Variants in TLE1 observed in about 807,000 individuals in gnomAD.
The protein encoded by TLE1 is TLE family member 1, transcriptional corepressor, also known as transducin-like enhancer protein 1.
In TLE1, 21 loss-of-function variants were observed where a neutral mutation model predicts 89.8. The observed-to-expected ratio is 0.23, with a 90% confidence interval of 0.17 to 0.34. The LOEUF is 0.34. Ranked by LOEUF, TLE1 falls within the 10% of genes least tolerant of loss-of-function variation. The pLI is 1.00. For synonymous variants in TLE1, 447 were observed against 407.6 expected, an observed-to-expected ratio of 1.10 and a Z score of -1.16; for missense variants, 795 against 1,031.2, an observed-to-expected ratio of 0.77 and a Z score of 3.14.
At chr9:81,597,758 C>A (rs1184589290) in intron 14 of TLE1, among the ~76,000 whole-genome samples, 3 of 152,128 alleles carry the variant, frequency 2.0e-5, no homozygotes, top group African/African-American at 7.2e-5. Flanking sequence ...TATAAAAACC[C>A]ATTAAGAGCA....
chr9:81,683,153 G>A (rs1833835011), intron 4 of TLE1, among the ~76,000 whole-genome samples: 1 of 151,964 alleles, frequency 6.6e-6, no homozygotes, highest in Non-Finnish European at 1.5e-5. Context: ...AAGGGAGAGC[G>A]GTCGTCACAC....
chr9:81,680,261 C>A (rs554455800), intron 4 of TLE1, among the ~76,000 whole-genome samples: 6 of 152,266 alleles, frequency 3.9e-5, no homozygotes, highest in African/African-American at 1.4e-4. Flanking sequence ...TGAACTACAA[C>A]GGAACCAAGT....
chr9:81,584,809 T>C (rs905184456), intron 18 of TLE1, among the ~76,000 whole-genome samples: 1 of 152,136 alleles, frequency 6.6e-6, no homozygotes, highest in Non-Finnish European at 1.5e-5. Context: ...CAATGAAGAA[T>C]GTGTTCTATT....
At chr9:81,631,415 C>G (rs1006539398) in intron 8 of TLE1, among the ~76,000 whole-genome samples, 2 of 152,246 alleles carry the variant, frequency 1.3e-5, no homozygotes, top group African/African-American at 4.8e-5. Context: ...CAGAGAGGCA[C>G]ATACCACGTG....
At chr9:81,635,422 T>C (rs1361201042) in intron 6 of TLE1, among the ~76,000 whole-genome samples, 1 of 152,190 alleles carries the variant, frequency 6.6e-6, no homozygotes, top group Non-Finnish European at 1.5e-5. Context: ...CTAAGTCTGT[T>C]CTCATTACAC....
chr9:81,640,464 A>G (rs1369649451), intron 6 of TLE1, among the ~76,000 whole-genome samples: 1 of 152,144 alleles, frequency 6.6e-6, no homozygotes, highest in Non-Finnish European at 1.5e-5. Flanking sequence ...GAAATTTTAC[A>G]TACTGGTGTT....
intron 14 of TLE1, among the ~76,000 whole-genome samples, chr9:81,597,506 G>C (rs979894974): frequency 6.6e-6 from 1 of 152,182 alleles, no homozygotes; most frequent in African/African-American, 2.4e-5. Flanking sequence ...AAAGAGTAGA[G>C]ATGGACGTTT....
In TLE1 at chr9:81,611,812, G is replaced by A. The variant is rs1257189178; in HGVS notation, c.1211C>T (p.Ala404Val). ...GGCCACCACGGCGGCCGCGGCGGCT[G>A]CGGCGCTCATCTGGGGCGACATGTT... ...LHNMSPQMSA[A>V]AAAAAVVAYG... is the part of the protein sequence containing the mutation. The change falls in exon 13 of 20, where the codon GCA becomes GTA. Residue 404 changes from alanine (A) to valine (V), a missense_variant. Around this residue, in one of 4 missense-constraint regions of TLE1, gnomAD observed 468 missense variants for 509.1 expected, o/e 0.92. Coordinates refer to ENST00000376499, the MANE Select transcript of TLE1 (RefSeq NM_005077.5). 1.9e-6 allele frequency: 3 copies of A among 1,552,970 alleles called. No individual in the cohort carries two copies. Among genetic ancestry groups the A allele is most frequent in the East Asian group, 2.5e-5 (1 of 39,578 alleles).
chr9:81,620,688 A>G, intron 8 of TLE1, 131 bp from the exon 9 acceptor site: 1 of 1,472,200 alleles, frequency 6.8e-7, no homozygotes, highest in Non-Finnish European at 9.0e-7. Flanking sequence ...AATTCATCTC[A>G]TCTAAAGACT....
chr9:81,620,412 A>ATAT (rs1279983095), intron 9 of TLE1, 29 bp downstream of exon 9: 1 of 1,554,198 alleles, frequency 6.4e-7, no homozygotes, highest in African/African-American at 1.4e-5. Flanking sequence ...AAGCAAACAA[A>ATAT]TATTATTTCA....
chr9:81,688,597 CCG>C lies in TLE1; in HGVS notation c.-359_-358del. On this transcript the variant is annotated 5_prime_UTR_variant, in exon 1 of 20. Transcript: ENST00000376499. ...GGAGGCGGGGGCGCGGTGACTCCGA[CCG>C]CACTCCCCTCGGCGATCCGCGTGCG... The C allele has an allele frequency of 3.9e-6, 1 of 259,180 alleles. No individual in the cohort carries two copies. The highest frequency in any genetic ancestry group is 7.2e-6 in the Non-Finnish European group (1 of 138,452). The allele number at this position is 259,180 out of a possible 1,614,324, so 16.1% of individuals were successfully genotyped here.
chr9:81,656,514 T>C (rs1830167294), intron 4 of TLE1, among the ~76,000 whole-genome samples: 1 of 152,206 alleles, frequency 6.6e-6, no homozygotes, highest in African/African-American at 2.4e-5. Context: ...AAAAGAAAGT[T>C]AAAATAACCC....
At chr9:81,645,556 C>T (rs1828752143) in intron 6 of TLE1, among the ~76,000 whole-genome samples, 1 of 151,912 alleles carries the variant, frequency 6.6e-6, no homozygotes, top group African/African-American at 2.4e-5. Context: ...GCCTGGCCAA[C>T]ATGGAGAAAC....
chr9:81,596,772 T>C (rs1830277644), intron 14 of TLE1, among the ~76,000 whole-genome samples: 1 of 152,164 alleles, frequency 6.6e-6, no homozygotes, highest in Non-Finnish European at 1.5e-5. Flanking sequence ...TTAACCTTGG[T>C]GACTGCAAGG....
intron 4 of TLE1, among the ~76,000 whole-genome samples, chr9:81,670,280 T>C (rs1356150958): frequency 1.3e-5 from 2 of 152,136 alleles, no homozygotes; most frequent in African/African-American, 4.8e-5. Context: ...AAATTATAAA[T>C]GGTGTCAATA....
intron 8 of TLE1, chr9:81,621,040 T>C: frequency 3.5e-6 from 1 of 285,942 alleles, no homozygotes; most frequent in Non-Finnish European, 7.1e-6. Flanking sequence ...CAAATCACAT[T>C]TTCCACAGCA....
At chr9:81,677,912 C>T (rs1287984801) in intron 4 of TLE1, among the ~76,000 whole-genome samples, 1 of 152,156 alleles carries the variant, frequency 6.6e-6, no homozygotes, top group African/African-American at 2.4e-5. Context: ...ATCTAGCATA[C>T]TTAATTTTTT....
intron 14 of TLE1, among the ~76,000 whole-genome samples, chr9:81,609,360 T>C (rs1429106344): frequency 3.9e-5 from 6 of 152,150 alleles, no homozygotes; most frequent in Admixed American, 1.3e-4. Flanking sequence ...GCTAGGATTA[T>C]AGGCGTGAGC....
At chr9:81,687,610 C>T (rs188150146) in intron 1 of TLE1, among the ~76,000 whole-genome samples, 176 bp from the exon 2 acceptor site, 60 of 152,288 alleles carry the variant, frequency 3.9e-4, no homozygotes, top group Admixed American at 3.8e-3. Flanking sequence ...CGGACCCTCC[C>T]CGGGCCCCGG....
Sources: gnomAD v4.1 joint callset for allele counts (sites outside exome capture counted in the v4.1 genomes callset) on GRCh38, gnomAD v4.1.1 for gene constraint, gnomAD v4.1.1 regional missense constraint, MANE v1.5 for transcripts, NCBI Gene and HGNC (gene_info 2026-07-23, HGNC 2026-07-21) for gene names.